Variants in RAC2 observed in about 807,000 individuals in gnomAD.
RAC2 encodes the protein ras-related C3 botulinum toxin substrate 2.
RAC2 carries 1 observed loss-of-function variant against 24.0 expected under a neutral mutation model. The observed-to-expected ratio is 0.04, with a 90% CI of 0.01 to 0.20. RAC2 has a LOEUF of 0.20. Among genes scored for constraint, RAC2 ranks in the 10% least tolerant of loss-of-function variants. The probability of loss-of-function intolerance (pLI) is 1.00; values close to 1 mark genes in which losing one functional copy is unlikely to be tolerated. For missense variants in RAC2, 130 were observed against 259.1 expected (o/e 0.50, Z 3.42); for synonymous variants, 114 against 106.8 (o/e 1.07, Z -0.41).
At chr22:37,241,075 T>C (rs1927374059) in intron 2 of RAC2, 2 of 751,810 alleles carry the variant, frequency 2.7e-6, no homozygotes, top group Non-Finnish European at 4.9e-6. Context: ...CCAGTCATCC[T>C]TCCCTCCTGA....
chr22:37,229,996 G>A (rs948103472), intron 5 of RAC2, among the ~76,000 whole-genome samples: 1 of 152,092 alleles, frequency 6.6e-6, no homozygotes, highest in Admixed American at 6.5e-5. Flanking sequence ...AATAGAAGGA[G>A]TCCAGGGGCA....
chr22:37,239,480 G>A (rs1927327911), intron 2 of RAC2, among the ~76,000 whole-genome samples: 1 of 152,178 alleles, frequency 6.6e-6, no homozygotes, highest in Admixed American at 6.5e-5. Flanking sequence ...CTTCTGTGAT[G>A]TTGTCCAGGA....
Position 37,231,914 on chromosome 22 carries a change from C to T in RAC2, c.288+18G>A. 5.2e-6 allele frequency: 8 copies of T among 1,551,488 alleles called. No individual in the cohort carries two copies. The highest frequency in any genetic ancestry group is 7.0e-6 in the Non-Finnish European group (8 of 1,146,916). On this transcript the variant is annotated intron_variant, in intron 4 of 6. Transcript: ENST00000249071. The surrounding 1 kb of genome is among the most constrained non-coding windows in gnomAD (Gnocchi z 5.5). ...TTACCTGCCCCAGAGCCCCCAAGGC[C>T]CACCCTGTCCAGCTCACCTTGGCGC...
chr22:37,232,395 C>T (rs551224622), intron 3 of RAC2: 59 of 416,418 alleles, frequency 1.4e-4, no homozygotes, highest in African/African-American at 1.0e-3. Context: ...CGGCCTTAGC[C>T]GCCTCCCTGC....
chr22:37,241,765 C>G, intron 1 of RAC2, 107 bp from the exon 2 acceptor site: 1 of 975,128 alleles, frequency 1.0e-6, no homozygotes, highest in East Asian at 2.4e-5. Flanking sequence ...CCCAGCCTAG[C>G]CCTCTGGGCC....
chr22:37,236,894 T>G (rs549356937), intron 2 of RAC2, among the ~76,000 whole-genome samples: 1 of 152,164 alleles, frequency 6.6e-6, no homozygotes, highest in African/African-American at 2.4e-5. Context: ...CAGATTTGCA[T>G]TTATAAAAGG....
chr22:37,244,262 G>A lies in RAC2; in HGVS notation c.-114C>T, dbSNP rs1255996299. The A allele has an allele frequency of 2.5e-6, 3 of 1,222,474 alleles. No homozygotes were observed. The highest frequency in any genetic ancestry group is 3.0e-5 in the African/African-American group (2 of 66,644). The allele number at this position is 1,222,474 out of a possible 1,614,324, so 75.7% of individuals were successfully genotyped here. ...GCCTGCTGAGGAGCAGCGGTGGTGG[G>A]GCAGGAGGAAACGGAAGGGGAACTT... On this transcript the variant is annotated 5_prime_UTR_variant, in exon 1 of 7. Transcript: ENST00000249071.
chr22:37,227,444 T>C (rs114516776), intron 5 of RAC2, among the ~76,000 whole-genome samples: 139 of 1,456 alleles, frequency 0.095, 5 homozygotes, highest in Middle Eastern at 0.25. Context: ...ATGCCTCCCA[T>C]GCCATACAAG....
chr22:37,243,369 T>C (rs1158183309), intron 1 of RAC2, among the ~76,000 whole-genome samples: 1 of 152,054 alleles, frequency 6.6e-6, no homozygotes, highest in Non-Finnish European at 1.5e-5. Context: ...GTCACTGGGA[T>C]CTGACAACTG....
chr22:37,235,592 C>T (rs1927198906), intron 2 of RAC2, among the ~76,000 whole-genome samples: 1 of 152,250 alleles, frequency 6.6e-6, no homozygotes, highest in Non-Finnish European at 1.5e-5. Flanking sequence ...TGGTGCACAG[C>T]AGGTGCTGGC....
intron 1 of RAC2, 66 bp from the exon 2 acceptor site, chr22:37,241,724 G>A: frequency 6.9e-7 from 1 of 1,454,654 alleles, no homozygotes; most frequent in Non-Finnish European, 9.7e-7. Context: ...GGAGGTTTCT[G>A]CCTGGTCCTC....
intron 2 of RAC2, among the ~76,000 whole-genome samples, chr22:37,240,092 G>T (rs899992154): frequency 6.6e-6 from 1 of 152,156 alleles, no homozygotes; most frequent in Admixed American, 6.5e-5. Context: ...GGCATCTAAG[G>T]CAGCTGAGCA....
At chr22:37,241,227 G>A in intron 2 of RAC2, 1 of 761,062 alleles carries the variant, frequency 1.3e-6, no homozygotes, top group Non-Finnish European at 2.4e-6. Context: ...CTGTTCCTTG[G>A]AGTCAGGCTC....
chr22:37,242,224 C>G (rs1416272930), intron 1 of RAC2, among the ~76,000 whole-genome samples: 3 of 152,158 alleles, frequency 2.0e-5, no homozygotes, highest in Non-Finnish European at 4.4e-5. Context: ...AAGACCTGAC[C>G]CTGCTCTTCC....
intron 2 of RAC2, among the ~76,000 whole-genome samples, chr22:37,233,235 CCT>C (rs1349431530): frequency 6.6e-6 from 1 of 152,074 alleles, no homozygotes; most frequent in Non-Finnish European, 1.5e-5. Context: ...AATAAACTTA[CCT>C]CTCTCCCTAT....
intron 2 of RAC2, among the ~76,000 whole-genome samples, chr22:37,233,560 G>A (rs1927139370): frequency 6.6e-6 from 1 of 152,238 alleles, no homozygotes; most frequent in Non-Finnish European, 1.5e-5. Flanking sequence ...TAGGATTACA[G>A]GCGTGAGCCA....
At chr22:37,232,427 G>A in intron 3 of RAC2, 4 of 427,692 alleles carry the variant, frequency 9.4e-6, no homozygotes, top group South Asian at 8.6e-5. Context: ...GAAGGGCGAG[G>A]ACCCAGCAGC....
In RAC2 at chr22:37,231,309, C is replaced by T; in HGVS notation, c.370G>A (p.Asp124Asn). 10 of 1,614,108 alleles carry T rather than the reference C, an allele frequency of 6.2e-6. No individual in the cohort carries two copies. The highest frequency in any genetic ancestry group is 8.5e-6 in the Non-Finnish European group (10 of 1,180,032). ...GTKLDLRDDK[D>N]TIEKLKEKKL... ...TTCTCCTTCAGTTTCTCGATGGTGT[C>T]CTTGTCGTCCCGCAGGTCCAGCTTG... The change falls in exon 5 of 7, where the codon GAC (aspartate) becomes AAC (asparagine). Residue 124 changes from aspartate (D) to asparagine (N), a missense_variant. Asp to Asn is a conservative substitution (Grantham distance 23). Coordinates refer to ENST00000249071, the MANE Select transcript of RAC2 (RefSeq NM_002872.5). This position sits in a 1 kb window ranked among gnomAD's most constrained non-coding sequence, Gnocchi z 5.5.
chr22:37,228,895 C>T (rs72550751), intron 5 of RAC2, among the ~76,000 whole-genome samples: 2,296 of 152,286 alleles, frequency 0.015, 48 homozygotes, highest in African/African-American at 0.052. Context: ...GAGGCATATA[C>T]GCCCACCAGG....
Sources: allele counts gnomAD v4.1 joint callset (sites outside exome capture counted in the v4.1 genomes callset), GRCh38; gene constraint gnomAD v4.1.1; non-coding constraint Gnocchi (gnomAD v3.1); transcripts MANE v1.5; gene names NCBI Gene and HGNC (gene_info 2026-07-23, HGNC 2026-07-21).